KCNU1: variants seen among roughly 807,000 people sequenced by gnomAD.
The protein encoded by KCNU1 is potassium calcium-activated channel subfamily U member 1.
KCNU1 carries 93 observed loss-of-function variants against 126.8 expected under a neutral mutation model. The ratio of observed to expected loss-of-function variants is 0.73; its 90% CI spans 0.62 to 0.87. The LOEUF (loss-of-function observed/expected upper bound fraction) is 0.87. KCNU1 is among the 40% of genes least tolerant of loss of function. KCNU1 has a pLI of 0.00. For missense variants in KCNU1, 1,330 were observed against 1,367.1 expected, an observed-to-expected ratio of 0.97 and a Z score of 0.43; for synonymous variants, 523 against 494.2, an observed-to-expected ratio of 1.06 and a Z score of -0.77.
intron 2 of KCNU1, among the ~76,000 whole-genome samples, chr8:36,802,126 A>T (rs935634647): frequency 1.4e-5 from 2 of 147,062 alleles, no homozygotes; most frequent in African/African-American, 4.9e-5. Context: ...AAAAAAAAAA[A>T]AAAAAAGGAA....
At chr8:36,807,284 A>G (rs1314461058) in intron 5 of KCNU1, 91 bp from the exon 6 acceptor site, 5 of 872,086 alleles carry the variant, frequency 5.7e-6, no homozygotes, top group Admixed American at 1.9e-5. Flanking sequence ...GAAGAAAAAG[A>G]ATGTAAGTGA....
chr8:36,836,725 C>T, intron 13 of KCNU1, 68 bp from the exon 14 acceptor site: 1 of 1,334,744 alleles, frequency 7.5e-7, no homozygotes, highest in East Asian at 2.3e-5. Context: ...AGAAAGACAT[C>T]CATCCTCAAG....
intron 19 of KCNU1, among the ~76,000 whole-genome samples, chr8:36,869,312 C>T (rs879784251): frequency 2.0e-5 from 3 of 152,198 alleles, no homozygotes; most frequent in Non-Finnish European, 2.9e-5. Context: ...TTGTTTGGCC[C>T]TATCACACTT....
intron 2 of KCNU1, among the ~76,000 whole-genome samples, chr8:36,797,720 A>C (rs1585384223): frequency 6.6e-6 from 1 of 152,236 alleles, no homozygotes; most frequent in African/African-American, 2.4e-5. Flanking sequence ...AGTGTCCAAA[A>C]AAGTTTTTTT....
chr8:36,821,932 T>G (rs555456961), intron 10 of KCNU1, among the ~76,000 whole-genome samples: 2 of 152,162 alleles, frequency 1.3e-5, no homozygotes, highest in Non-Finnish European at 2.9e-5. Context: ...CAACGATGTT[T>G]GACAGGTTAG....
At chr8:36,935,297 G>A (rs572007897) in intron 26 of KCNU1, among the ~76,000 whole-genome samples, 2 of 152,214 alleles carry the variant, frequency 1.3e-5, no homozygotes, top group African/African-American at 4.8e-5. Context: ...ATGAAAGCCA[G>A]CCCCCTCATT....
At chr8:36,854,627 C>A (rs1224424947) in intron 18 of KCNU1, among the ~76,000 whole-genome samples, 2 of 151,840 alleles carry the variant, frequency 1.3e-5, no homozygotes, top group African/African-American at 4.8e-5. Context: ...TTCTCATATT[C>A]CTTTTGGTTA....
chr8:36,816,888 T>A (rs746825511), intron 9 of KCNU1, among the ~76,000 whole-genome samples: 1 of 152,066 alleles, frequency 6.6e-6, no homozygotes, highest in Non-Finnish European at 1.5e-5. Flanking sequence ...TCAGCCATGA[T>A]ATTTGGGTGA....
intron 10 of KCNU1, among the ~76,000 whole-genome samples, chr8:36,824,090 A>G (rs759177653): frequency 1.3e-5 from 2 of 151,968 alleles, no homozygotes; most frequent in African/African-American, 2.4e-5. Context: ...ACCCGCCTCT[A>G]CCTCCCAAAG....
intron 18 of KCNU1, among the ~76,000 whole-genome samples, chr8:36,861,288 G>T (rs1429119186): frequency 1.3e-5 from 2 of 152,138 alleles, no homozygotes; most frequent in African/African-American, 4.8e-5. Flanking sequence ...TTCTTCTAAT[G>T]GTACAGTTGA....
chr8:36,823,120 C>A (rs1282163735), intron 10 of KCNU1, among the ~76,000 whole-genome samples: 1 of 152,004 alleles, frequency 6.6e-6, no homozygotes, highest in Non-Finnish European at 1.5e-5. Context: ...TGGGGCAGAT[C>A]AGAATACGCA....
chr8:36,907,875 A>C (rs1257321312), intron 20 of KCNU1, among the ~76,000 whole-genome samples: 1 of 152,212 alleles, frequency 6.6e-6, no homozygotes, highest in African/African-American at 2.4e-5. Context: ...GAAAATATAG[A>C]AATTCAATAA....
At chr8:36,840,872 A>G (rs1804924476) in intron 15 of KCNU1, 60 bp from the exon 16 acceptor site, 3 of 1,106,204 alleles carry the variant, frequency 2.7e-6, no homozygotes, top group Non-Finnish European at 4.2e-6. Flanking sequence ...ACAGAGTGTT[A>G]GTTATTTTGT....
At chr8:36,896,379 G>T (rs1272095013) in intron 19 of KCNU1, among the ~76,000 whole-genome samples, 1 of 151,986 alleles carries the variant, frequency 6.6e-6, no homozygotes, top group Non-Finnish European at 1.5e-5. Flanking sequence ...TTAGATTTAT[G>T]ATAATTTGAT....
Position 36,833,660 on chromosome 8 carries a change from G to C in KCNU1, c.1212+1G>C. 1 of 1,577,304 alleles carries C rather than the reference G, an allele frequency of 6.3e-7. No homozygotes were observed. Among genetic ancestry groups the C allele is most frequent in the Non-Finnish European group, 8.7e-7 (1 of 1,147,070 alleles). ...GTGGGAGGATCTGAGGCGAGTTGCGGTAAGATCTAGCTGTTTTTGTTCCTT... is the reference window on the plus strand; with the variant it reads ...GTGGGAGGATCTGAGGCGAGTTGCGCTAAGATCTAGCTGTTTTTGTTCCTT... On this transcript the variant is annotated splice_donor_variant, in intron 11 of 26. Transcript: ENST00000399881. LOFTEE classifies it high-confidence loss of function.
At chr8:36,833,041 T>A (rs1174345742) in intron 10 of KCNU1, among the ~76,000 whole-genome samples, 1 of 152,148 alleles carries the variant, frequency 6.6e-6, no homozygotes, top group Non-Finnish European at 1.5e-5. Context: ...ACTTTGTTTT[T>A]GTAATGTGTT....
chr8:36,801,147 A>G (rs947813389), intron 2 of KCNU1, among the ~76,000 whole-genome samples: 1 of 152,222 alleles, frequency 6.6e-6, no homozygotes, highest in Non-Finnish European at 1.5e-5. Flanking sequence ...CCAGAGATGT[A>G]TAGAAATTCT....
At chr8:36,925,333 T>C (rs961922867) in intron 24 of KCNU1, among the ~76,000 whole-genome samples, 3 of 152,146 alleles carry the variant, frequency 2.0e-5, no homozygotes, top group East Asian at 1.9e-4. Flanking sequence ...GGGACGGCAA[T>C]GGAGCATCAG....
intron 14 of KCNU1, among the ~76,000 whole-genome samples, chr8:36,837,952 T>C (rs900009171): frequency 2.6e-5 from 4 of 152,204 alleles, no homozygotes; most frequent in African/African-American, 9.7e-5. Context: ...TTTGCATCTT[T>C]TTCTGTTTCT....
Sources: gnomAD v4.1 joint callset for allele counts (sites outside exome capture counted in the v4.1 genomes callset) on GRCh38, gnomAD v4.1.1 for gene constraint, MANE v1.5 for transcripts, NCBI Gene and HGNC (gene_info 2026-07-23, HGNC 2026-07-21) for gene names.